Variants in ELP4 observed in about 807,000 individuals in gnomAD.
ELP4 encodes the protein elongator acetyltransferase complex subunit 4, also known as elongator complex protein 4.
In ELP4, 51 loss-of-function variants were observed where a neutral mutation model predicts 48.9. That is an observed-to-expected ratio of 1.04 (90% CI 0.83 to 1.32). The LOEUF (loss-of-function observed/expected upper bound fraction) is 1.32, where lower values mean the gene tolerates loss of function less well. Ranked by LOEUF, ELP4 falls within the 40% of genes most tolerant of loss-of-function variation. The pLI, the probability that ELP4 is intolerant of heterozygous loss-of-function variation, is 0.00. For synonymous variants in ELP4, 210 were observed against 189.2 expected (o/e 1.11, Z -0.90); for missense variants, 519 against 514.6 (o/e 1.01, Z -0.08).
intron 7 of ELP4, among the ~76,000 whole-genome samples, chr11:31,639,058 A>G (rs1176139219): frequency 6.6e-6 from 1 of 151,880 alleles, no homozygotes; most frequent in African/African-American, 2.4e-5. Context: ...CACTTTATTA[A>G]GAAGAATAGT....
At chr11:31,672,229 T>C (rs1056364932) in intron 9 of ELP4, among the ~76,000 whole-genome samples, 1 of 152,216 alleles carries the variant, frequency 6.6e-6, no homozygotes, top group Non-Finnish European at 1.5e-5. Flanking sequence ...ATAACTGTAC[T>C]CTATACTGAG....
At chr11:31,539,873 A>G in intron 3 of ELP4, 90 bp downstream of exon 3, 1 of 1,065,286 alleles carries the variant, frequency 9.4e-7, no homozygotes, top group Non-Finnish European at 1.3e-6. Context: ...GTTTGTATAT[A>G]TACAAACTAT....
chr11:31,678,519 G>A lies in ELP4; in HGVS notation c.1143+28298G>A, dbSNP rs947242299. Among the ~76,000 whole-genome samples the A allele has an allele frequency of 5.9e-5, 8 of 134,818 alleles. No homozygotes were observed. The East Asian group carries it at 1.1e-3, about 18-fold the overall frequency. 88.4% of individuals were successfully genotyped at this position (134,818 alleles called of 152,430 possible). A position where few individuals can be genotyped will look rare whatever the true frequency, so the allele number is the denominator to read the frequency against. On this transcript the variant is annotated intron_variant, in intron 9 of 9. Coordinates refer to ENST00000640961, the MANE Select transcript of ELP4 (RefSeq NM_019040.5). Reference sequence around the variant, plus strand: ...TATGTGTGTGTGTGTGTGTGTGTGTGTGTGTGTGTGTGTGTGTGTGTGTAT... The same window carrying A: ...TATGTGTGTGTGTGTGTGTGTGTGTATGTGTGTGTGTGTGTGTGTGTGTAT...
intron 2 of ELP4, among the ~76,000 whole-genome samples, chr11:31,536,137 A>G (rs1157976813): frequency 6.6e-6 from 1 of 151,818 alleles, no homozygotes; most frequent in Non-Finnish European, 1.5e-5. Context: ...GGAATATATC[A>G]TTTGTTTTCT....
intron 9 of ELP4, among the ~76,000 whole-genome samples, chr11:31,746,566 T>C (rs56202581): frequency 0.021 from 3,133 of 152,216 alleles, 102 homozygotes; most frequent in African/African-American, 0.071. Context: ...CCATAAAAAA[T>C]GATGAGTTCA....
chr11:31,714,822 C>G (rs1185925563), intron 9 of ELP4: 1 of 398,072 alleles, frequency 2.5e-6, no homozygotes, highest in African/African-American at 2.1e-5. Context: ...TTTTTTCTGC[C>G]TCTCTCCTTC....
At chr11:31,774,516 AT>A (rs1277739702) in intron 9 of ELP4, among the ~76,000 whole-genome samples, 1 of 152,164 alleles carries the variant, frequency 6.6e-6, no homozygotes, top group African/African-American at 2.4e-5. Context: ...CTTCTTGCAG[AT>A]TCTATAACTC....
At chr11:31,706,356 A>G (rs1380853844) in intron 9 of ELP4, among the ~76,000 whole-genome samples, 2 of 151,710 alleles carry the variant, frequency 1.3e-5, no homozygotes, top group Non-Finnish European at 1.5e-5. Flanking sequence ...AAGGCCAGAC[A>G]TGGTGGCTCA....
At chr11:31,563,407 C>T (rs1351411203) in intron 3 of ELP4, among the ~76,000 whole-genome samples, 2 of 151,978 alleles carry the variant, frequency 1.3e-5, no homozygotes, top group Admixed American at 1.3e-4. Flanking sequence ...GCTTGTGCAT[C>T]TGCCAAAACA....
At chr11:31,681,060 A>C (rs1201073254) in intron 9 of ELP4, among the ~76,000 whole-genome samples, 1 of 152,184 alleles carries the variant, frequency 6.6e-6, no homozygotes, top group African/African-American at 2.4e-5. Context: ...ATCCTGACTC[A>C]TTAGTAACAG....
At chr11:31,712,035 G>T (rs943290307) in intron 9 of ELP4, among the ~76,000 whole-genome samples, 1 of 151,908 alleles carries the variant, frequency 6.6e-6, no homozygotes, top group Non-Finnish European at 1.5e-5. Flanking sequence ...AGCTCATGTT[G>T]ATTCTCATAT....
At chr11:31,734,328 C>T (rs1187484864) in intron 9 of ELP4, among the ~76,000 whole-genome samples, 1 of 152,198 alleles carries the variant, frequency 6.6e-6, no homozygotes, top group Non-Finnish European at 1.5e-5. Context: ...ATTCTTGCCA[C>T]TTCTATCGAA....
At position 31,551,420 on chromosome 11, in the gene ELP4, A is replaced by G. The variant is rs138863024; in HGVS notation, c.381+11637A>G. Among the ~76,000 whole-genome samples, 27 of 152,222 alleles carry G rather than the reference A, an allele frequency of 1.8e-4. No individual in the cohort carries two copies. In the East Asian group the frequency reaches 5.2e-3, roughly 29 times the overall value. On this transcript the variant is annotated intron_variant, in intron 3 of 9. Transcript: ENST00000640961. ...AATGATTTTATCATTCTTCAACCCA[A>G]GCTTTACCATAAATTTGATGGTTTT...
intron 7 of ELP4, among the ~76,000 whole-genome samples, chr11:31,640,074 A>G (rs910047944): frequency 1.9e-4 from 29 of 152,060 alleles, no homozygotes; most frequent in South Asian, 1.0e-3. Flanking sequence ...CCAAGGATGG[A>G]CACAACTGTT....
At chr11:31,770,796 G>A (rs1489981603) in intron 9 of ELP4, among the ~76,000 whole-genome samples, 4 of 135,176 alleles carry the variant, frequency 3.0e-5, no homozygotes, top group Non-Finnish European at 4.6e-5. Context: ...CTCAGTACTC[G>A]GGAGGCTGAG....
At chr11:31,711,622 G>A (rs550682910) in intron 9 of ELP4, among the ~76,000 whole-genome samples, 1 of 151,988 alleles carries the variant, frequency 6.6e-6, no homozygotes, top group Non-Finnish European at 1.5e-5. Context: ...TCTTTTATGT[G>A]TATAGATTTA....
chr11:31,608,491 T>A (rs1326457988), intron 5 of ELP4, among the ~76,000 whole-genome samples: 1 of 150,902 alleles, frequency 6.6e-6, no homozygotes, highest in African/African-American at 2.4e-5. Flanking sequence ...TTTAGAGGGG[T>A]CTTTTAACTG....
rs149528552 is a variant in ELP4 at position 31,592,310 on chromosome 11, G to A, written c.382-2460G>A. Among the ~76,000 whole-genome samples the A allele has an allele frequency of 4.4e-3, 675 of 152,120 alleles. 3 individuals are homozygous for A. Among genetic ancestry groups the A allele is most frequent in the African/African-American group, 0.016 (655 of 41,512 alleles). ...CTGTAATCCAGCACTTTGGGAGGCCGAGGCAGGCAGATTGCTTTAGCTCAG... is the reference window on the plus strand; with the variant it reads ...CTGTAATCCAGCACTTTGGGAGGCCAAGGCAGGCAGATTGCTTTAGCTCAG... On this transcript the variant is annotated intron_variant, in intron 3 of 9. Coordinates refer to ENST00000640961, the MANE Select transcript of ELP4 (RefSeq NM_019040.5).
chr11:31,547,520 G>A (rs571473189), intron 3 of ELP4, among the ~76,000 whole-genome samples: 30 of 152,270 alleles, frequency 2.0e-4, no homozygotes, highest in African/African-American at 6.7e-4. Context: ...AAAGAGTGCA[G>A]GACCAGATGG....
Sources: allele counts gnomAD v4.1 joint callset (sites outside exome capture counted in the v4.1 genomes callset), GRCh38; gene constraint gnomAD v4.1.1; transcripts MANE v1.5; gene names NCBI Gene and HGNC (gene_info 2026-07-23, HGNC 2026-07-21).